Variants in ANKS3 observed in about 807,000 individuals in gnomAD.
ANKS3 encodes the protein ankyrin repeat and sterile alpha motif domain containing 3, also known as ankyrin repeat and SAM domain-containing protein 3.
A neutral mutation model predicts 80.7 loss-of-function variants in ANKS3; 62 were observed. That is an observed-to-expected ratio of 0.77 (90% CI 0.63 to 0.95). ANKS3 has a LOEUF of 0.95. Ranked by LOEUF, ANKS3 falls within the 40% of genes least tolerant of loss-of-function variation. The pLI, the probability that ANKS3 is intolerant of heterozygous loss-of-function variation, is 0.00. For synonymous variants in ANKS3, 489 were observed against 355.3 expected (o/e 1.38, Z -4.23); for missense variants, 1,150 against 883.6 (o/e 1.30, Z -3.82).
At position 4,702,315 on chromosome 16, in the gene ANKS3, T is replaced by C. The variant is rs116370731; in HGVS notation, c.869-73A>G. The C allele has an allele frequency of 1.5e-3, 2,123 of 1,377,462 alleles. 32 individuals carry two copies. In the African/African-American group the frequency reaches 0.029, roughly 19 times the overall value. 85.3% of individuals were successfully genotyped at this position (1,377,462 alleles called of 1,614,324 possible). A position where few individuals can be genotyped will look rare whatever the true frequency, so the allele number is the denominator to read the frequency against. ...CCTCCTCAGAGGCCGAGGCCCAGGA[T>C]GGAGGCAGGTGACTTCCCAGTCATG... On this transcript the variant is annotated intron_variant, in intron 8 of 17. Transcript: ENST00000304283.
chr16:4,726,620 C>G, intron 5 of ANKS3, 39 bp downstream of exon 5: 1 of 1,601,030 alleles, frequency 6.2e-7, no homozygotes, highest in Non-Finnish European at 8.5e-7. Flanking sequence ...CAGATGACAC[C>G]TAGGCCACTC....
intron 6 of ANKS3, among the ~76,000 whole-genome samples, chr16:4,722,236 A>C (rs2081139318): frequency 6.6e-6 from 1 of 151,490 alleles, no homozygotes; most frequent in South Asian, 2.1e-4. Flanking sequence ...AGAAAAAAAC[A>C]AACTATCCAA....
rs376739237 is a variant in ANKS3 at position 4,701,370 on chromosome 16, G to T, written c.1119+64C>A. 5.5e-6 allele frequency: 8 copies of T among 1,443,786 alleles called. No homozygotes were observed. In the Admixed American group the frequency reaches 1.7e-4, roughly 31 times the overall value. 89.4% of individuals were successfully genotyped at this position (1,443,786 alleles called of 1,614,324 possible). ...CATACATGCTCATCTTAAAGTAACT[G>T]GGGGATGTCAGGCATCCCAGCCAGG... On this transcript the variant is annotated intron_variant, in intron 10 of 17. Transcript: ENST00000304283.
chr16:4,704,993 C>A lies in ANKS3; in HGVS notation c.868+102G>T. ...ACCTGTCCCGCTGCCACCTGAGGTC[C>A]AGCGACCCACATTTCAGGAGCCTAA... On this transcript the variant is annotated intron_variant, in intron 8 of 17. Transcript: ENST00000304283. The A allele has an allele frequency of 2.7e-6, 4 of 1,486,568 alleles. No individual in the cohort carries two copies. The South Asian group carries it at 5.3e-5, about 20-fold the overall frequency. 92.1% of individuals were successfully genotyped at this position (1,486,568 alleles called of 1,614,324 possible).
intron 11 of ANKS3, chr16:4,699,914 C>G (rs841212): frequency 0.52 from 78,915 of 152,116 alleles, 20,764 homozygotes; most frequent in East Asian, 0.65. Flanking sequence ...TTTTAATGGA[C>G]AAACAAATGT....
At chr16:4,729,032 A>G (rs1431692493) in intron 3 of ANKS3, among the ~76,000 whole-genome samples, 6 of 152,206 alleles carry the variant, frequency 3.9e-5, no homozygotes, top group Non-Finnish European at 7.3e-5. Flanking sequence ...CTGCACCACA[A>G]TATCAAATGA....
chr16:4,731,126 T>G (rs2081594387), intron 2 of ANKS3, among the ~76,000 whole-genome samples: 1 of 152,090 alleles, frequency 6.6e-6, no homozygotes, highest in Non-Finnish European at 1.5e-5. Flanking sequence ...TTCACTTACA[T>G]GACATTCTGG....
chr16:4,698,331 TCA>T, intron 14 of ANKS3, 94 bp downstream of exon 14: 11 of 1,412,084 alleles, frequency 7.8e-6, no homozygotes, highest in Non-Finnish European at 9.3e-6. Flanking sequence ...AATCCACCCC[TCA>T]GTTACAAAAT....
In ANKS3 at chr16:4,715,166, G is replaced by T. The variant is rs1056566802; in HGVS notation, c.574-980C>A. 3.0e-4 allele frequency among the ~76,000 whole-genome samples: 45 copies of T among 152,136 alleles called. 1 individual carries two copies. The highest frequency in any genetic ancestry group is 2.8e-3 in the Admixed American group (43 of 15,276). On this transcript the variant is annotated intron_variant, in intron 6 of 17. Transcript: ENST00000304283. ...CAAGTTGAAAAAGGATCATGGCCAAGTGAGGTGGCTCATGCCTGTAATCCC... is the reference window on the plus strand; with the variant it reads ...CAAGTTGAAAAAGGATCATGGCCAATTGAGGTGGCTCATGCCTGTAATCCC...
At position 4,710,973 on chromosome 16, in the gene ANKS3, G is replaced by A. The variant is rs990514273; in HGVS notation, c.709+3078C>T. On this transcript the variant is annotated intron_variant, in intron 7 of 17. Transcript: ENST00000304283. ...TTGGCTTATTTTTGTATTTTTAGTG[G>A]AGACGGGGTTTCACCATGTTGGCCA... 4.0e-5 allele frequency among the ~76,000 whole-genome samples: 6 copies of A among 151,390 alleles called. No individual in the cohort carries two copies. The East Asian group carries it at 1.2e-3, about 30-fold the overall frequency.
rs1448906491 is a variant in ANKS3 at position 4,726,792 on chromosome 16, C to A, written c.370-12G>T. ...AGCTCTGCACCTTGCTTCAAGAGAA[C>A]ACAGAACGTGCGTTACGGCCTCATC... is the stretch of plus-strand genomic sequence containing the variant. On this transcript the variant is annotated splice_polypyrimidine_tract_variant and intron_variant, in intron 4 of 17. Transcript: ENST00000304283. 1.6e-5 allele frequency: 25 copies of A among 1,610,884 alleles called. No individual in the cohort carries two copies. The highest frequency in any genetic ancestry group is 2.0e-5 in the Non-Finnish European group (24 of 1,177,536).
In ANKS3 at chr16:4,698,006, G is replaced by A; in HGVS notation, c.1781C>T (p.Ala594Val). 1 of 1,605,666 alleles carries A rather than the reference G, an allele frequency of 6.2e-7. No homozygotes were observed. Among genetic ancestry groups the A allele is most frequent in the Non-Finnish European group, 8.5e-7 (1 of 1,176,854 alleles). The change falls in exon 15 of 18, where the codon GCC becomes GTC. Residue 594 changes from alanine (A) to valine (V), a missense_variant. Transcript: ENST00000304283. Reference protein sequence around the residue: ...RVRQDQPPGAATLGLAVPPAD... With the variant: ...RVRQDQPPGAVTLGLAVPPAD... The stretch of plus-strand genomic sequence containing the variant: ...TGGGGGGACGGCTAGGCCCAGAGTG[G>A]CTGCACCAGGGGGCTGGTCCTGCCT...
rs574504277 is a variant in ANKS3, at chr16:4,714,311, T to C, written c.574-125A>G. ...TGACTGCCTCCCTGTGTGGGAAACATCACATCTGCATGAGAAAGAGGCAGG... is the reference window on the plus strand; with the variant it reads ...TGACTGCCTCCCTGTGTGGGAAACACCACATCTGCATGAGAAAGAGGCAGG... On this transcript the variant is annotated intron_variant, in intron 6 of 17. Coordinates refer to ENST00000304283, the MANE Select transcript of ANKS3 (RefSeq NM_133450.4). 5.4e-5 allele frequency: 74 copies of C among 1,372,024 alleles called. No homozygotes were observed. In the African/African-American group the frequency reaches 9.0e-4, roughly 17 times the overall value. 85.0% of individuals were successfully genotyped at this position (1,372,024 alleles called of 1,614,324 possible). A position where few individuals can be genotyped will look rare whatever the true frequency, so the allele number is the denominator to read the frequency against.
At chr16:4,726,063 C>G (rs1239611040) in intron 5 of ANKS3, among the ~76,000 whole-genome samples, 1 of 151,722 alleles carries the variant, frequency 6.6e-6, no homozygotes, top group Admixed American at 6.6e-5. Context: ...GCAAGCTCCA[C>G]CTCCCGGGTT....
At chr16:4,731,009 T>C (rs2081588127) in intron 2 of ANKS3, among the ~76,000 whole-genome samples, 1 of 152,220 alleles carries the variant, frequency 6.6e-6, no homozygotes, top group African/African-American at 2.4e-5. Flanking sequence ...ATCCATATAA[T>C]GGATGCTACT....
rs55661418 is a variant in ANKS3 at position 4,721,625 on chromosome 16, G to GATTTATTTATTT, written c.573+3113_573+3124dup. On this transcript the variant is annotated intron_variant, in intron 6 of 17. Transcript: ENST00000304283. ...GACCCCATCTCTTTATTGATTTATT[G>GATTTATTTATTT]ATTTATTTATTTATTTATTTATTTA... 4.2e-4 allele frequency among the ~76,000 whole-genome samples: 61 copies of GATTTATTTATTT among 145,514 alleles called. 1 individual carries two copies. Among genetic ancestry groups the GATTTATTTATTT allele is most frequent in the East Asian group, 1.4e-3 (7 of 4,968 alleles).
intron 6 of ANKS3, 102 bp from the exon 7 acceptor site, chr16:4,714,288 A>C (rs1162704925): frequency 6.7e-7 from 1 of 1,493,776 alleles, no homozygotes; most frequent in Admixed American, 2.0e-5. Context: ...CTGGTTTCTG[A>C]CTGCCTCCCT....
intron 6 of ANKS3, among the ~76,000 whole-genome samples, chr16:4,722,940 A>G (rs1369210198): frequency 6.6e-6 from 1 of 152,102 alleles, no homozygotes; most frequent in Non-Finnish European, 1.5e-5. Flanking sequence ...AAAAAAAAAA[A>G]AAAAGAAAAA....
rs772576473 is a variant in ANKS3, at chr16:4,701,465, A to G, written c.1088T>C (p.Leu363Pro). Residue 363 changes from leucine (L) to proline (P), a missense_variant, in exon 10 of 18, where the codon CTC becomes CCC. Coordinates refer to ENST00000304283, the MANE Select transcript of ANKS3 (RefSeq NM_133450.4). ...SSEGLARAQG[L>P]SSEASVESNE... ...GCTCTCCACAGAAGCTTCGCTGCTG[A>G]GCCCCTGGGCTCTGGCCAGGCCCTC... 1.9e-6 allele frequency: 3 copies of G among 1,609,266 alleles called. No homozygotes were observed. Among genetic ancestry groups the G allele is most frequent in the Non-Finnish European group, 2.5e-6 (3 of 1,176,876 alleles).
Sources: allele counts gnomAD v4.1 joint callset (sites outside exome capture counted in the v4.1 genomes callset), GRCh38; gene constraint gnomAD v4.1.1; transcripts MANE v1.5; gene names NCBI Gene and HGNC (gene_info 2026-07-23, HGNC 2026-07-21).